Variants in PCDHGC5 observed in about 807,000 individuals in gnomAD.
PCDHGC5 encodes protocadherin gamma-C5.
In PCDHGC5, 25 loss-of-function variants were observed where a neutral mutation model predicts 59.0. The ratio of observed to expected loss-of-function variants is 0.42; its 90% CI spans 0.31 to 0.59. The LOEUF (loss-of-function observed/expected upper bound fraction) is 0.59. Among genes scored for constraint, PCDHGC5 ranks in the 20% least tolerant of loss-of-function variants. The pLI, the probability that PCDHGC5 is intolerant of heterozygous loss-of-function variation, is 0.13. For missense variants in PCDHGC5, 1,067 were observed against 1,206.4 expected (o/e 0.88, Z 1.71); for synonymous variants, 434 against 505.5 (o/e 0.86, Z 1.90).
At chr5:141,503,729 G>C (rs531112359) in intron 2 of PCDHGC5, among the ~76,000 whole-genome samples, 1 of 152,190 alleles carries the variant, frequency 6.6e-6, no homozygotes, top group East Asian at 1.9e-4. Flanking sequence ...CTTTATGTTT[G>C]TTGTGATGGT....
Position 141,509,375 on chromosome 5 carries a change from T to C in PCDHGC5, c.2609-1572T>C, listed in dbSNP as rs1450730489. Among the ~76,000 whole-genome samples, 6 of 152,168 alleles carry C rather than the reference T, an allele frequency of 3.9e-5. No homozygotes were observed. In the East Asian group the frequency reaches 1.2e-3, roughly 29 times the overall value. On this transcript the variant is annotated intron_variant, in intron 3 of 3. Coordinates refer to ENST00000252087, the MANE Select transcript of PCDHGC5 (RefSeq NM_018929.3). ...GGGCATCCCTGAGGTTTTAACTGTC[T>C]CCTAACCACAGAGGATCTCAGGGCC...
chr5:141,490,641 G>A lies in PCDHGC5; in HGVS notation c.1401G>A (p.Arg467=). 3 of 1,614,160 alleles carry A rather than the reference G, an allele frequency of 1.9e-6. No homozygotes were observed. Residue 467 remains arginine (R), a synonymous_variant, in exon 1 of 4, where the codon CGG becomes CGA. Transcript: ENST00000252087. This position sits in a 1 kb window ranked among gnomAD's most constrained non-coding sequence, Gnocchi z 5.4. ...QLYTAYILEN[R]PPGSLLCTVA... Reference sequence around the variant, plus strand: ...ACACTGCTTACATCCTAGAAAACCGGCCTCCGGGCTCCCTTCTTTGCACTG... The same window carrying A: ...ACACTGCTTACATCCTAGAAAACCGACCTCCGGGCTCCCTTCTTTGCACTG...
chr5:141,504,180 A>G (rs1195970606), intron 2 of PCDHGC5, among the ~76,000 whole-genome samples: 1 of 152,236 alleles, frequency 6.6e-6, no homozygotes, highest in Non-Finnish European at 1.5e-5. Context: ...ATTCAAAAAA[A>G]TCATGAAAAT....
At chr5:141,495,400 C>T (rs554849650) in intron 2 of PCDHGC5, among the ~76,000 whole-genome samples, 4 of 152,278 alleles carry the variant, frequency 2.6e-5, no homozygotes, top group Non-Finnish European at 1.5e-5. Flanking sequence ...ATGGAGCAGG[C>T]CCCCTTCTCC....
At position 141,491,828 on chromosome 5, in the gene PCDHGC5, G is replaced by C. The variant is rs1389234164; in HGVS notation, c.2460+128G>C. ...CTTGGTCGCTGGCTGCGCTCCACCC[G>C]ATTCTCGGGATCATTGGACCGTTTG... On this transcript the variant is annotated intron_variant, in intron 1 of 3. Coordinates refer to ENST00000252087, the MANE Select transcript of PCDHGC5 (RefSeq NM_018929.3). The surrounding 1 kb of genome is among the most constrained non-coding windows in gnomAD (Gnocchi z 6.9). 4.1e-6 allele frequency: 6 copies of C among 1,475,668 alleles called. No homozygotes were observed. The highest frequency in any genetic ancestry group is 5.4e-6 in the Non-Finnish European group (6 of 1,113,522). 91.4% of individuals were successfully genotyped at this position (1,475,668 alleles called of 1,614,324 possible).
At chr5:141,503,660 C>A (rs2099827842) in intron 2 of PCDHGC5, among the ~76,000 whole-genome samples, 1 of 150,420 alleles carries the variant, frequency 6.6e-6, no homozygotes, top group Non-Finnish European at 1.5e-5. Flanking sequence ...AACAGAATTA[C>A]AACTCTTCCC....
chr5:141,494,182 C>A (rs188628485), intron 1 of PCDHGC5, among the ~76,000 whole-genome samples: 1 of 152,126 alleles, frequency 6.6e-6, no homozygotes, highest in Non-Finnish European at 1.5e-5. Context: ...AGAAGTGTCC[C>A]GGGACTTGGA....
chr5:141,490,906 G>C lies in PCDHGC5; in HGVS notation c.1666G>C (p.Asp556His). The change falls in exon 1 of 4, where the codon GAC (aspartate) becomes CAC (histidine). Residue 556 changes from aspartate to histidine, a missense_variant. Transcript: ENST00000252087. The surrounding 1 kb of genome is among the most constrained non-coding windows in gnomAD (Gnocchi z 5.4). ...ANTSLHVFVL[D>H]ENDNAPAVLH... ...CACATCTCTGCATGTGTTTGTCCTA[G>C]ACGAGAATGATAATGCCCCAGCTGT... The C allele has an allele frequency of 1.9e-6, 3 of 1,613,798 alleles. No individual in the cohort carries two copies. The highest frequency in any genetic ancestry group is 2.5e-6 in the Non-Finnish European group (3 of 1,179,808).
At position 141,493,444 on chromosome 5, in the gene PCDHGC5, G is replaced by T. The variant is rs2099748313; in HGVS notation, c.2461-1363G>T. On this transcript the variant is annotated intron_variant, in intron 1 of 3. Transcript: ENST00000252087. This position sits in a 1 kb window ranked among gnomAD's most constrained non-coding sequence, Gnocchi z 4.3. ...GCTTCTGCTGGGATGGGGCAAGGGT[G>T]GGGTTCCTTCCCTTTTAGGACCTTA... Among the ~76,000 whole-genome samples, 1 of 152,174 alleles carries T rather than the reference G, an allele frequency of 6.6e-6. No homozygotes were observed. Among genetic ancestry groups the T allele is most frequent in the South Asian group, 2.1e-4 (1 of 4,826 alleles).
intron 2 of PCDHGC5, among the ~76,000 whole-genome samples, chr5:141,497,540 CT>C (rs754207034): frequency 0.18 from 24,498 of 134,808 alleles, 2,020 homozygotes; most frequent in African/African-American, 0.21. Flanking sequence ...TGCAACAAAC[CT>C]TTTTTTTTTT....
chr5:141,507,478 C>A (rs933478897), intron 3 of PCDHGC5, among the ~76,000 whole-genome samples: 3 of 152,158 alleles, frequency 2.0e-5, no homozygotes, highest in Non-Finnish European at 4.4e-5. Context: ...GGACTGCTGG[C>A]CTCCTGAGGC....
rs1203945578 is a variant in PCDHGC5 at position 141,512,055 on chromosome 5, T to G, written c.*882T>G. 6.5e-6 allele frequency: 1 copy of G among 152,698 alleles called. No homozygotes were observed. The highest frequency in any genetic ancestry group is 1.5e-5 in the Non-Finnish European group (1 of 68,092). 9.5% of individuals were successfully genotyped at this position (152,698 alleles called of 1,614,324 possible). The stretch of plus-strand genomic sequence containing the variant: ...GAGGCTCTGTATGTCCTCAGGGGAC[T>G]GACAACATCCTCCAGATTCCAGCCA... On this transcript the variant is annotated 3_prime_UTR_variant, in exon 4 of 4. Transcript: ENST00000252087.
At chr5:141,494,890 C>A (rs1483157263) in intron 2 of PCDHGC5, 25 bp downstream of exon 2, 1 of 1,614,120 alleles carries the variant, frequency 6.2e-7, no homozygotes. Context: ...CTCCAGCCCA[C>A]CCTCTTCTCT....
Position 141,489,791 on chromosome 5 carries a change from C to G in PCDHGC5, c.551C>G (p.Thr184Ser). ...PNSHFSLNVK[T>S]LKDGKPFPEL... ...AGCCACTTCTCTCTGAATGTGAAGA[C>G]CCTAAAAGATGGGAAGCCATTCCCA... The change falls in exon 1 of 4, where the codon ACC becomes AGC. Residue 184 changes from threonine (T) to serine (S), a missense_variant. Transcript: ENST00000252087. The surrounding 1 kb of genome is among the most constrained non-coding windows in gnomAD (Gnocchi z 4.5). 2 of 1,614,174 alleles carry G rather than the reference C, an allele frequency of 1.2e-6. No individual in the cohort carries two copies. The highest frequency in any genetic ancestry group is 1.7e-6 in the Non-Finnish European group (2 of 1,180,002).
intron 2 of PCDHGC5, among the ~76,000 whole-genome samples, chr5:141,504,869 C>T (rs919109041): frequency 6.6e-6 from 1 of 152,134 alleles, no homozygotes; most frequent in Admixed American, 6.5e-5. Flanking sequence ...CCCACCTTCA[C>T]AGTCCTCTGG....
intron 2 of PCDHGC5, among the ~76,000 whole-genome samples, chr5:141,502,109 C>G (rs2099812899): frequency 1.3e-5 from 2 of 152,182 alleles, no homozygotes; most frequent in Admixed American, 1.3e-4. Flanking sequence ...ACCCTGCACC[C>G]TCAGCCAGGC....
At chr5:141,495,123 T>C (rs2099759225) in intron 2 of PCDHGC5, among the ~76,000 whole-genome samples, 1 of 152,162 alleles carries the variant, frequency 6.6e-6, no homozygotes, top group African/African-American at 2.4e-5. Flanking sequence ...TCCTATCCCC[T>C]GAGGGCACTG....
intron 2 of PCDHGC5, 99 bp from the exon 3 acceptor site, chr5:141,505,294 G>T: frequency 6.4e-7 from 1 of 1,572,086 alleles, no homozygotes; most frequent in Non-Finnish European, 8.6e-7. Context: ...GCATGGGGTA[G>T]GGTTAGGGTA....
chr5:141,499,751 A>G (rs1355923543), intron 2 of PCDHGC5, among the ~76,000 whole-genome samples: 2 of 149,258 alleles, frequency 1.3e-5, no homozygotes, highest in Non-Finnish European at 3.0e-5. Flanking sequence ...CTGTGGCACA[A>G]TCTCAGCTCA....
Sources: gnomAD v4.1 joint callset for allele counts (sites outside exome capture counted in the v4.1 genomes callset) on GRCh38, gnomAD v4.1.1 for gene constraint, Gnocchi (gnomAD v3.1) non-coding constraint, MANE v1.5 for transcripts, NCBI Gene and HGNC (gene_info 2026-07-23, HGNC 2026-07-21) for gene names.